Variants in SCN8A observed in about 807,000 individuals in gnomAD.
SCN8A encodes sodium voltage-gated channel alpha subunit 8, also known as sodium channel protein type 8 subunit alpha.
A neutral mutation model predicts 184.1 loss-of-function variants in SCN8A; 30 were observed. That is an observed-to-expected ratio of 0.16 (90% confidence interval 0.12 to 0.22). The LOEUF (loss-of-function observed/expected upper bound fraction) is 0.22. Among genes scored for constraint, SCN8A ranks in the 10% least tolerant of loss-of-function variants. SCN8A has a pLI of 1.00. For synonymous variants in SCN8A, 852 were observed against 907.0 expected, an observed-to-expected ratio of 0.94 and a Z score of 1.09; for missense variants, 1,057 against 2,498.9, an observed-to-expected ratio of 0.42 and a Z score of 12.30.
intron 11 of SCN8A, among the ~76,000 whole-genome samples, chr12:51,714,884 G>A (rs1195505824): frequency 6.6e-6 from 1 of 152,190 alleles, no homozygotes; most frequent in Middle Eastern, 3.2e-3. Flanking sequence ...TGCCTGAAAA[G>A]GACTAAAAGC....
chr12:51,606,812 G>A (rs2138569086), intron 1 of SCN8A, among the ~76,000 whole-genome samples: 1 of 149,850 alleles, frequency 6.7e-6, no homozygotes, highest in Non-Finnish European at 1.5e-5. Context: ...TCCTTGGTTA[G>A]GTATATTCCT....
chr12:51,606,891 T>G (rs956935858), intron 1 of SCN8A, among the ~76,000 whole-genome samples: 2 of 151,042 alleles, frequency 1.3e-5, no homozygotes, highest in African/African-American at 4.9e-5. Context: ...TTTTTATATA[T>G]ATTTATTTAT....
At chr12:51,786,498 T>C (rs1348157692) in intron 21 of SCN8A, 44 bp from the exon 22 acceptor site, 2 of 1,608,530 alleles carry the variant, frequency 1.2e-6, no homozygotes, top group Non-Finnish European at 1.7e-6. Flanking sequence ...ATGTGCTTGC[T>C]CTCATTTCCA....
intron 12 of SCN8A, among the ~76,000 whole-genome samples, chr12:51,739,433 GA>G (rs1287544599): frequency 1.2e-4 from 18 of 152,194 alleles, no homozygotes; most frequent in Non-Finnish European, 2.5e-4. Flanking sequence ...AAATAATAAG[GA>G]GGGGGTGCAG....
chr12:51,591,657 G>A (rs937008338), intron 1 of SCN8A, among the ~76,000 whole-genome samples: 3 of 152,126 alleles, frequency 2.0e-5, no homozygotes, highest in Admixed American at 2.0e-4. Flanking sequence ...GAGGGACACG[G>A]CCCGTCCTTG....
chr12:51,768,815 A>G, intron 16 of SCN8A, 50 bp from the exon 17 acceptor site: 1 of 1,472,298 alleles, frequency 6.8e-7, no homozygotes, highest in Non-Finnish European at 9.1e-7. Context: ...CCTGAGTTCG[A>G]TGGATAACTT....
At position 51,780,565 on chromosome 12, in the gene SCN8A, CTTTTTTTTTTTTTTTTTTTTTTTT is replaced by C. The variant is rs528514747; in HGVS notation, c.3820-68_3820-45del. On this transcript the variant is annotated intron_variant, in intron 20 of 26. Transcript: ENST00000627620. ...ACACTCTGGAACCTCTGTTTTCTTT[CTTTTTTTTTTTTTTTTTTTTTTTT>C]TTTTTTTTTTTTTTTGGTTACCTTT... 3.3e-4 allele frequency: 99 copies of C among 297,804 alleles called. 1 individual carries two copies. Among genetic ancestry groups the C allele is most frequent in the African/African-American group, 9.3e-4 (7 of 7,566 alleles). 18.4% of individuals were successfully genotyped at this position (297,804 alleles called of 1,614,324 possible).
intron 26 of SCN8A, among the ~76,000 whole-genome samples, chr12:51,801,833 T>A (rs1178548294): frequency 6.6e-6 from 1 of 152,118 alleles, no homozygotes; most frequent in Non-Finnish European, 1.5e-5. Flanking sequence ...GGGGGGCGGA[T>A]CACTTGACGT....
intron 2 of SCN8A, among the ~76,000 whole-genome samples, chr12:51,668,802 G>C (rs1294343944): frequency 6.6e-6 from 1 of 152,176 alleles, no homozygotes; most frequent in Non-Finnish European, 1.5e-5. Context: ...TTTAAAGGAA[G>C]AGTATTTCCT....
At chr12:51,633,807 A>G (rs1940253455) in intron 1 of SCN8A, among the ~76,000 whole-genome samples, 2 of 152,350 alleles carry the variant, frequency 1.3e-5, no homozygotes, top group South Asian at 4.1e-4. Context: ...AGACTAGGGA[A>G]GAGATACTTT....
chr12:51,593,954 G>A (rs1939289231), intron 1 of SCN8A, among the ~76,000 whole-genome samples: 1 of 152,208 alleles, frequency 6.6e-6, no homozygotes, highest in Non-Finnish European at 1.5e-5. Context: ...GTCTCCACAG[G>A]AAGTAATCCG....
chr12:51,712,591 A>G, intron 11 of SCN8A: 2 of 777,626 alleles, frequency 2.6e-6, no homozygotes, highest in South Asian at 2.7e-5. Flanking sequence ...GCTGTTGTCC[A>G]CTATAATTTC....
chr12:51,802,304 A>AG (rs1938577096), intron 26 of SCN8A, among the ~76,000 whole-genome samples: 1 of 152,154 alleles, frequency 6.6e-6, no homozygotes, highest in South Asian at 2.1e-4. Context: ...GGGTGGGGGA[A>AG]GGGATATTGC....
chr12:51,787,245 G>A (rs970716319), intron 22 of SCN8A, among the ~76,000 whole-genome samples: 3 of 152,150 alleles, frequency 2.0e-5, no homozygotes, highest in East Asian at 1.9e-4. Flanking sequence ...GTTAACTTAG[G>A]AAAAAACCAT....
intron 1 of SCN8A, among the ~76,000 whole-genome samples, chr12:51,631,076 CTA>C (rs1940186935): frequency 6.6e-6 from 1 of 152,216 alleles, no homozygotes; most frequent in Admixed American, 6.5e-5. Flanking sequence ...ATTCAAAAGA[CTA>C]TTGATATCCC....
At chr12:51,775,946 T>C (rs558935072) in intron 20 of SCN8A, among the ~76,000 whole-genome samples, 6 of 152,320 alleles carry the variant, frequency 3.9e-5, no homozygotes, top group African/African-American at 1.4e-4. Flanking sequence ...CACATGCCCC[T>C]GCTAAACAAA....
intron 12 of SCN8A, among the ~76,000 whole-genome samples, chr12:51,739,716 C>A (rs573727057): frequency 2.6e-5 from 4 of 152,228 alleles, no homozygotes; most frequent in Non-Finnish European, 5.9e-5. Flanking sequence ...GCTTCAGCAA[C>A]CCTTTGACCT....
At position 51,769,284 on chromosome 12, in the gene SCN8A, C is replaced by T. The variant is rs374213514; in HGVS notation, c.3321C>T (p.Asn1107=). 117 of 1,609,072 alleles carry T rather than the reference C, an allele frequency of 7.3e-5. No individual in the cohort carries two copies. In the African/African-American group the frequency reaches 1.4e-3, roughly 20 times the overall value. ...PIAVGESDFE[N]LNTEDVSSES... is the part of the protein sequence containing the mutation. ...CTGTGGGCGAGTCTGACTTTGAGAA[C>T]CTCAACACAGAGGATGTTAGCAGCG... Residue 1107 remains asparagine, a synonymous_variant, in exon 17 of 27, where the codon AAC becomes AAT. Transcript: ENST00000627620.
intron 1 of SCN8A, among the ~76,000 whole-genome samples, chr12:51,648,284 T>C: frequency 6.6e-6 from 1 of 152,058 alleles, no homozygotes; most frequent in East Asian, 1.9e-4. Flanking sequence ...CACACTGAGG[T>C]CTCAAACTCC....
Sources: gnomAD v4.1 joint callset for allele counts (sites outside exome capture counted in the v4.1 genomes callset) on GRCh38, gnomAD v4.1.1 for gene constraint, MANE v1.5 for transcripts, NCBI Gene and HGNC (gene_info 2026-07-23, HGNC 2026-07-21) for gene names.